The following DNAH17 variants were observed in gnomAD, a reference collection of about 807,000 sequenced individuals.
DNAH17 encodes dynein axonemal heavy chain 17, also known as axonemal beta dynein heavy chain 17.
In DNAH17, 376 loss-of-function variants were observed where a neutral mutation model predicts 485.6. The ratio of observed to expected loss-of-function variants is 0.77; its 90% CI spans 0.71 to 0.84. The LOEUF (loss-of-function observed/expected upper bound fraction) is 0.84. DNAH17 is among the 40% of genes least tolerant of loss of function. The probability of loss-of-function intolerance (pLI) is 0.00; values close to 1 mark genes in which losing one functional copy is unlikely to be tolerated. For synonymous variants in DNAH17, 3,031 were observed against 2,405.9 expected, an observed-to-expected ratio of 1.26 and a Z score of -7.60; for missense variants, 6,370 against 5,839.3, an observed-to-expected ratio of 1.09 and a Z score of -2.96.
At chr17:78,540,359 G>C (rs1348180511) in intron 17 of DNAH17, among the ~76,000 whole-genome samples, 1 of 144,432 alleles carries the variant, frequency 6.9e-6, no homozygotes, top group African/African-American at 2.6e-5. Context: ...GTGGGTGGAT[G>C]GACAGATGAA....
intron 25 of DNAH17, among the ~76,000 whole-genome samples, chr17:78,517,495 G>A (rs1382935162): frequency 2.0e-5 from 3 of 152,222 alleles, no homozygotes; most frequent in African/African-American, 4.8e-5. Flanking sequence ...CCCTGTGCTT[G>A]GAGTCCAGCC....
chr17:78,501,630 A>AGTCAGTGCCCCAGG, intron 34 of DNAH17, 112 bp downstream of exon 34: 1 of 1,441,440 alleles, frequency 6.9e-7, no homozygotes, highest in Non-Finnish European at 9.4e-7. Flanking sequence ...CCAGCAACAG[A>AGTCAGTGCCCCAGG]GTCAGTGCCC....
intron 75 of DNAH17, 116 bp downstream of exon 75, chr17:78,433,913 A>AAGGGAGGGAAGGAAGGAGGGAGGGAAGG (rs1173052851): frequency 4.9e-5 from 25 of 507,764 alleles, no homozygotes; most frequent in African/African-American, 2.9e-4. Context: ...ACCAAAAGGA[A>AAGGGAGGGAAGGAAGGAGGGAGGGAAGG]AGGGAGGGAA....
At chr17:78,439,317 T>C in intron 72 of DNAH17, 100 bp from the exon 73 acceptor site, 1 of 1,382,644 alleles carries the variant, frequency 7.2e-7, no homozygotes, top group South Asian at 1.4e-5. Context: ...CTCCCTCATT[T>C]AGTTTCGGTG....
intron 25 of DNAH17, among the ~76,000 whole-genome samples, chr17:78,517,255 A>G (rs1311678079): frequency 6.6e-6 from 1 of 152,164 alleles, no homozygotes; most frequent in African/African-American, 2.4e-5. Flanking sequence ...TGTTGGCCAG[A>G]CCGGTCTCAA....
At chr17:78,446,898 C>T (rs1341594661) in intron 69 of DNAH17, among the ~76,000 whole-genome samples, 2 of 152,162 alleles carry the variant, frequency 1.3e-5, no homozygotes, top group South Asian at 2.1e-4. Flanking sequence ...CCCACCTTGG[C>T]CTCCCAACGT....
rs749917722 is a variant in DNAH17 at position 78,501,730 on chromosome 17, G to A, written c.5322+12C>T. ...GCCCTTCCCCTGGCCCCTGGGACAGGGGCGCTCATGCCTTGGCCACGATCA... is the reference window on the plus strand; with the variant it reads ...GCCCTTCCCCTGGCCCCTGGGACAGAGGCGCTCATGCCTTGGCCACGATCA... On this transcript the variant is annotated intron_variant, in intron 34 of 80. Transcript: ENST00000389840. The A allele has an allele frequency of 2.1e-5, 34 of 1,611,226 alleles. No homozygotes were observed. The highest frequency in any genetic ancestry group is 6.6e-5 in the South Asian group (6 of 91,068).
intron 17 of DNAH17, among the ~76,000 whole-genome samples, chr17:78,542,257 C>A (rs2091615589): frequency 6.6e-6 from 1 of 151,768 alleles, no homozygotes; most frequent in Admixed American, 6.6e-5. Flanking sequence ...AAGCAATTCT[C>A]CTGCCTCAGC....
At chr17:78,572,650 A>G (rs1030071890) in intron 3 of DNAH17, 51 bp downstream of exon 3, 2 of 1,499,354 alleles carry the variant, frequency 1.3e-6, no homozygotes, top group Admixed American at 4.0e-5. Flanking sequence ...GGGGTCAAGC[A>G]TGTGCCTCTT....
chr17:78,520,100 A>C (rs2090896752), intron 25 of DNAH17, among the ~76,000 whole-genome samples: 2 of 132,148 alleles, frequency 1.5e-5, no homozygotes, highest in South Asian at 4.8e-4. Flanking sequence ...CGATAGAACG[A>C]AACTCTGTTT....
At chr17:78,575,651 C>A (rs1176889271) in intron 1 of DNAH17, among the ~76,000 whole-genome samples, 2 of 152,242 alleles carry the variant, frequency 1.3e-5, no homozygotes, top group African/African-American at 4.8e-5. Context: ...GCGTGCACCC[C>A]TAAAAGAATC....
intron 14 of DNAH17, among the ~76,000 whole-genome samples, chr17:78,553,343 C>T (rs1020510555): frequency 1.6e-5 from 2 of 123,370 alleles, no homozygotes; most frequent in Admixed American, 1.0e-4. Flanking sequence ...ACTCTGTCAC[C>T]CAGGCTGGAG....
intron 24 of DNAH17, among the ~76,000 whole-genome samples, chr17:78,526,276 T>A (rs1274103272): frequency 2.0e-5 from 3 of 151,932 alleles, no homozygotes; most frequent in Non-Finnish European, 4.4e-5. Context: ...GGCAGGTGAG[T>A]ATTAAGCCCA....
At chr17:78,508,815 A>G (rs145622878) in intron 27 of DNAH17, among the ~76,000 whole-genome samples, 237 of 152,092 alleles carry the variant, frequency 1.6e-3, no homozygotes, top group African/African-American at 5.4e-3. Flanking sequence ...TTTAAAAATT[A>G]TAATTTTTTT....
intron 14 of DNAH17, among the ~76,000 whole-genome samples, chr17:78,556,176 C>T (rs974398682): frequency 2.0e-5 from 3 of 152,172 alleles, no homozygotes; most frequent in Non-Finnish European, 4.4e-5. Flanking sequence ...ATAATCTATC[C>T]ATCCATCTAC....
intron 48 of DNAH17, among the ~76,000 whole-genome samples, chr17:78,484,580 C>G (rs561007937): frequency 2.0e-5 from 3 of 152,102 alleles, no homozygotes; most frequent in African/African-American, 4.8e-5. Context: ...AGGATCCCCC[C>G]CTCCGCGGGG....
At chr17:78,500,256 T>C (rs1413812654) in intron 36 of DNAH17, 49 bp downstream of exon 36, 7 of 1,557,204 alleles carry the variant, frequency 4.5e-6, no homozygotes, top group Non-Finnish European at 6.1e-6. Flanking sequence ...TAGGATCTGC[T>C]TCTATAAAAG....
In DNAH17 at chr17:78,468,866, C is replaced by G. The variant is rs779463879; in HGVS notation, c.8529G>C (p.Gln2843His). ...IPDLKIDLAA[Q>H]YIKAAVKNVP... ...CGTTCTTCACGGCAGCCTTTATGTA[C>G]TGAGCAGCGAGGTCAATCTGGACGG... The change falls in exon 55 of 81, where the codon CAG (glutamine) becomes CAC (histidine). Residue 2843 changes from glutamine to histidine, a missense_variant. Transcript: ENST00000389840. 5 of 1,613,578 alleles carry G rather than the reference C, an allele frequency of 3.1e-6. 1 individual carries two copies. The South Asian group carries it at 4.4e-5, about 14-fold the overall frequency.
intron 56 of DNAH17, among the ~76,000 whole-genome samples, chr17:78,465,415 T>C (rs1359757572): frequency 6.7e-6 from 1 of 149,146 alleles, no homozygotes; most frequent in African/African-American, 2.5e-5. Context: ...GAGGAGCCCC[T>C]CTGCCTGGCT....
Sources: gnomAD v4.1 joint callset for allele counts (sites outside exome capture counted in the v4.1 genomes callset) on GRCh38, gnomAD v4.1.1 for gene constraint, MANE v1.5 for transcripts, NCBI Gene and HGNC (gene_info 2026-07-23, HGNC 2026-07-21) for gene names.